The following KAZN variants were observed in gnomAD, a reference collection of about 807,000 sequenced individuals.
KAZN encodes the protein kazrin.
Under a neutral mutation model 87.4 loss-of-function variants are expected in KAZN, and 40 were observed. The observed-to-expected ratio is 0.46, with a 90% CI of 0.36 to 0.60. KAZN has a LOEUF of 0.60. Among genes scored for constraint, KAZN ranks in the 20% least tolerant of loss-of-function variants. KAZN has a pLI of 0.00. For synonymous variants in KAZN, 466 were observed against 458.3 expected, an observed-to-expected ratio of 1.02 and a Z score of -0.22; for missense variants, 898 against 1,073.9, an observed-to-expected ratio of 0.84 and a Z score of 2.29.
intron 1 of KAZN, among the ~76,000 whole-genome samples, chr1:14,919,903 T>C (rs1404062): frequency 0.095 from 14,443 of 152,162 alleles, 916 homozygotes; most frequent in Admixed American, 0.17. Context: ...ATAGCCTAGG[T>C]GTGTAGTAGC....
At chr1:14,715,849 G>A (rs1052085336) in intron 1 of KAZN, among the ~76,000 whole-genome samples, 31 of 152,160 alleles carry the variant, frequency 2.0e-4, no homozygotes, top group African/African-American at 6.3e-4. Flanking sequence ...TCACAGAGAC[G>A]CAGGCCGCGG....
Position 14,584,348 on chromosome 1 carries a change from G to A in KAZN, c.250-14635G>A, listed in dbSNP as rs551722234. On this transcript the variant is annotated intron_variant, in intron 2 of 16. Coordinates refer to the KAZN transcript ENST00000636203. ...GGTAAGCCCGGAGTTGCCTTTGGCC[G>A]TGTTGTTCAAGCCTTCTCTGGGTGG... 3.2e-3 allele frequency among the ~76,000 whole-genome samples: 495 copies of A among 152,318 alleles called. 5 individuals carry two copies. The highest frequency in any genetic ancestry group is 8.1e-3 in the South Asian group (39 of 4,826).
At chr1:14,926,629 A>G (rs1481344778) in intron 1 of KAZN, among the ~76,000 whole-genome samples, 2 of 152,204 alleles carry the variant, frequency 1.3e-5, no homozygotes, top group Non-Finnish European at 2.9e-5. Flanking sequence ...CATGATGGCT[A>G]GGCATTGAGG....
chr1:14,657,077 CTTT>C (rs35046893), intron 1 of KAZN, among the ~76,000 whole-genome samples: 50 of 83,356 alleles, frequency 6.0e-4, no homozygotes, highest in African/African-American at 2.0e-3. Context: ...AAGAGAGAGG[CTTT>C]TTTTTTTTTT....
At chr1:14,731,683 G>A (rs755962309) in intron 1 of KAZN, among the ~76,000 whole-genome samples, 3 of 152,342 alleles carry the variant, frequency 2.0e-5, no homozygotes, top group Admixed American at 6.5e-5. Flanking sequence ...CACAGCTAGT[G>A]GGTAGCAGAG....
intron 1 of KAZN, among the ~76,000 whole-genome samples, chr1:14,148,451 A>G (rs921099127): frequency 1.5e-4 from 23 of 152,122 alleles, no homozygotes; most frequent in African/African-American, 5.6e-4. Context: ...TATTTTGGTA[A>G]TAGTAGATTC....
In KAZN at chr1:14,620,025, TC is replaced by T. The variant is rs537467452; in HGVS notation, c.226+20806del. Among the ~76,000 whole-genome samples, 546 of 152,294 alleles carry T rather than the reference TC, an allele frequency of 3.6e-3. 2 individuals are homozygous for T. Among genetic ancestry groups the T allele is most frequent in the African/African-American group, 0.012 (502 of 41,534 alleles). ...AGTTCAGTTTTAGCCTCTTCTCAGCTCCCCAGGTCAATGCACATGAGCCTTG... is the reference window on the plus strand; with the variant it reads ...AGTTCAGTTTTAGCCTCTTCTCAGCTCCCAGGTCAATGCACATGAGCCTTG... On this transcript the variant is annotated intron_variant, in intron 1 of 14. Coordinates refer to ENST00000376030, the MANE Select transcript of KAZN (RefSeq NM_201628.3).
chr1:14,779,613 C>T (rs1474881108), intron 1 of KAZN, among the ~76,000 whole-genome samples: 1 of 151,876 alleles, frequency 6.6e-6, no homozygotes, highest in East Asian at 1.9e-4. Flanking sequence ...TTCTTTATTT[C>T]CTGGGCTGGT....
chr1:14,295,009 C>T (rs1654005826), intron 2 of KAZN, among the ~76,000 whole-genome samples: 3 of 151,786 alleles, frequency 2.0e-5, no homozygotes, highest in Admixed American at 2.0e-4. Flanking sequence ...TGCTTATCTA[C>T]AGGCTCAATC....
chr1:15,095,001 G>A (rs1017194084), intron 10 of KAZN, 68 bp downstream of exon 10: 16 of 1,136,598 alleles, frequency 1.4e-5, no homozygotes, highest in Non-Finnish European at 1.8e-5. Context: ...GGTCACACAG[G>A]TGGGGTGAGC....
chr1:14,493,919 C>G (rs752916802), intron 2 of KAZN, among the ~76,000 whole-genome samples: 1 of 152,192 alleles, frequency 6.6e-6, no homozygotes, highest in East Asian at 1.9e-4. Flanking sequence ...TCAGTCCCAT[C>G]TCCAGGTCAG....
chr1:15,088,161 T>C (rs934630312), intron 8 of KAZN, among the ~76,000 whole-genome samples: 12 of 152,222 alleles, frequency 7.9e-5, no homozygotes, highest in Non-Finnish European at 1.6e-4. Context: ...ACTCTGCCAT[T>C]GTAGCATGAA....
chr1:14,538,157 C>A (rs1672609463), intron 2 of KAZN, among the ~76,000 whole-genome samples: 1 of 152,252 alleles, frequency 6.6e-6, no homozygotes, highest in African/African-American at 2.4e-5. Context: ...ATATATGGAG[C>A]AAGAAATGAC....
At chr1:13,992,843 A>G (rs543767502) in intron 1 of KAZN, among the ~76,000 whole-genome samples, 40 of 152,302 alleles carry the variant, frequency 2.6e-4, no homozygotes, top group African/African-American at 9.1e-4. Flanking sequence ...TTATAAGTTC[A>G]GAATTGGCCA....
At chr1:14,077,314 G>A (rs539059210) in intron 1 of KAZN, among the ~76,000 whole-genome samples, 42 of 152,174 alleles carry the variant, frequency 2.8e-4, no homozygotes, top group Non-Finnish European at 5.1e-4. Flanking sequence ...TGCAAAAAAT[G>A]TCTGTAAAGG....
At chr1:14,328,753 A>T (rs910681321) in intron 2 of KAZN, among the ~76,000 whole-genome samples, 146 of 142,400 alleles carry the variant, frequency 1.0e-3, no homozygotes, top group African/African-American at 4.0e-3. Context: ...TAACTGAAAA[A>T]AAAAAAAAAA....
intron 2 of KAZN, among the ~76,000 whole-genome samples, chr1:14,404,644 T>C (rs940757009): frequency 6.6e-6 from 1 of 152,090 alleles, no homozygotes; most frequent in African/African-American, 2.4e-5. Context: ...TTAGAAATAA[T>C]TAAAATGTCT....
At chr1:14,771,224 ACTC>A (rs1226800295) in intron 1 of KAZN, among the ~76,000 whole-genome samples, 4 of 152,102 alleles carry the variant, frequency 2.6e-5, no homozygotes, top group Non-Finnish European at 5.9e-5. Flanking sequence ...ACTGCCCCGA[ACTC>A]CTGTAAAAGC....
At chr1:14,534,104 G>A (rs183615584) in intron 2 of KAZN, among the ~76,000 whole-genome samples, 2 of 152,160 alleles carry the variant, frequency 1.3e-5, no homozygotes, top group African/African-American at 4.8e-5. Flanking sequence ...GACCAAGGAC[G>A]GAGGTGCATC....
Sources: gnomAD v4.1 joint callset for allele counts (sites outside exome capture counted in the v4.1 genomes callset) on GRCh38, gnomAD v4.1.1 for gene constraint, MANE v1.5 for transcripts, NCBI Gene and HGNC (gene_info 2026-07-23, HGNC 2026-07-21) for gene names.